The following MSI2 variants were observed in gnomAD, a reference collection of about 807,000 sequenced individuals.
MSI2 encodes RNA-binding protein Musashi homolog 2.
MSI2 carries 17 observed loss-of-function variants against 45.6 expected under a neutral mutation model. The observed-to-expected ratio is 0.37, with a 90% CI of 0.26 to 0.56. The LOEUF (loss-of-function observed/expected upper bound fraction) is 0.56, where lower values mean the gene tolerates loss of function less well. Among genes scored for constraint, MSI2 ranks in the 20% least tolerant of loss-of-function variants. MSI2 has a pLI of 0.77. For synonymous variants in MSI2, 156 were observed against 158.2 expected (o/e 0.99, Z 0.11); for missense variants, 293 against 444.2 (o/e 0.66, Z 3.06).
intron 6 of MSI2, among the ~76,000 whole-genome samples, chr17:57,424,384 G>A (rs754276795): frequency 1.2e-4 from 18 of 152,186 alleles, no homozygotes; most frequent in Non-Finnish European, 2.4e-4. Flanking sequence ...TTCCTAAATG[G>A]GAGATGAGCG....
At chr17:57,362,510 G>A (rs1054708573) in intron 5 of MSI2, among the ~76,000 whole-genome samples, 1 of 152,010 alleles carries the variant, frequency 6.6e-6, no homozygotes, top group African/African-American at 2.4e-5. Context: ...TTTATGGCTT[G>A]CTAAGTGGCT....
intron 7 of MSI2, among the ~76,000 whole-genome samples, chr17:57,560,643 G>A (rs1385261478): frequency 6.6e-6 from 1 of 152,180 alleles, no homozygotes; most frequent in African/African-American, 2.4e-5. Context: ...TGCAAGATGG[G>A]GTAACAGTAA....
chr17:57,491,018 G>A (rs961236958), intron 6 of MSI2, among the ~76,000 whole-genome samples: 8 of 152,208 alleles, frequency 5.3e-5, no homozygotes, highest in African/African-American at 1.7e-4. Flanking sequence ...AGGGTTCCGG[G>A]GTGGGGAGGA....
intron 6 of MSI2, among the ~76,000 whole-genome samples, chr17:57,470,359 C>G (rs2085411148): frequency 6.6e-6 from 1 of 152,162 alleles, no homozygotes; most frequent in African/African-American, 2.4e-5. Flanking sequence ...CTTACTGCAG[C>G]CTCCACCTCC....
intron 8 of MSI2, among the ~76,000 whole-genome samples, chr17:57,610,265 A>G (rs1907108473): frequency 6.6e-6 from 1 of 152,162 alleles, no homozygotes. Context: ...AGCCTGGCCA[A>G]TGTGGTGAAA....
At chr17:57,362,002 T>C (rs1266471627) in intron 5 of MSI2, among the ~76,000 whole-genome samples, 3 of 152,138 alleles carry the variant, frequency 2.0e-5, no homozygotes, top group African/African-American at 4.8e-5. Context: ...AAAACTGAGG[T>C]CTCCTGGAAA....
chr17:57,490,085 C>T (rs1239314968), intron 6 of MSI2, among the ~76,000 whole-genome samples: 2 of 152,056 alleles, frequency 1.3e-5, no homozygotes, highest in African/African-American at 2.4e-5. Flanking sequence ...GTGGCTCTCT[C>T]CCAGGGCAAG....
chr17:57,389,409 G>A (rs963132599), intron 5 of MSI2, among the ~76,000 whole-genome samples: 1 of 152,126 alleles, frequency 6.6e-6, no homozygotes, highest in African/African-American at 2.4e-5. Context: ...AGTCTTTTGG[G>A]ACCACTAACA....
chr17:57,311,394 A>G (rs991275168), intron 5 of MSI2, among the ~76,000 whole-genome samples: 13 of 152,166 alleles, frequency 8.5e-5, no homozygotes, highest in African/African-American at 2.9e-4. Context: ...AAAGAGAGAA[A>G]CCACAGCAGT....
At chr17:57,263,634 T>TA (rs1383459459) in intron 5 of MSI2, 1 of 152,232 alleles carries the variant, frequency 6.6e-6, no homozygotes, top group Admixed American at 6.5e-5. Context: ...AAAAATCCCT[T>TA]ACTTGGTAAA....
At position 57,683,274 on chromosome 17, in the gene MSI2, G is replaced by A. The variant is rs1257495857; in HGVS notation, c.*3757G>A. 1.3e-5 allele frequency: 3 copies of A among 230,852 alleles called. No homozygotes were observed. Among genetic ancestry groups the A allele is most frequent in the South Asian group, 1.8e-4 (1 of 5,492 alleles). The allele number at this position is 230,852 out of a possible 1,614,324, so 14.3% of individuals were successfully genotyped here. On this transcript the variant is annotated 3_prime_UTR_variant, in exon 14 of 14. Coordinates refer to ENST00000284073, the MANE Select transcript of MSI2 (RefSeq NM_138962.4). The surrounding 1 kb of genome is among the most constrained non-coding windows in gnomAD (Gnocchi z 5.2). ...AATTGTTGGTTCTAATGACCTGAAA[G>A]GTGTTCAGTTTTTGTTCTTGGTTTT...
At chr17:57,397,456 T>C (rs2083911762) in intron 5 of MSI2, among the ~76,000 whole-genome samples, 1 of 152,206 alleles carries the variant, frequency 6.6e-6, no homozygotes, top group South Asian at 2.1e-4. Flanking sequence ...CACGTGTCCA[T>C]AGAAACCTTG....
chr17:57,661,127 C>T (rs547788277), intron 11 of MSI2, among the ~76,000 whole-genome samples: 128 of 152,274 alleles, frequency 8.4e-4, no homozygotes, highest in Non-Finnish European at 1.2e-3. Flanking sequence ...ATCCATAAGA[C>T]GATTAACTCT....
intron 7 of MSI2, among the ~76,000 whole-genome samples, chr17:57,581,988 A>C (rs1322383587): frequency 6.6e-6 from 1 of 152,184 alleles, no homozygotes; most frequent in Admixed American, 6.5e-5. Context: ...TCTCAGTTTG[A>C]AGAGTGAACC....
In MSI2 at chr17:57,539,145, G is replaced by A. The variant is rs377359146; in HGVS notation, c.454+9421G>A. ...ATTAAGCAACCTGAGATACAGAGACGGAGGGAATCTTTTTATTATATACTC... is the reference window on the plus strand; with the variant it reads ...ATTAAGCAACCTGAGATACAGAGACAGAGGGAATCTTTTTATTATATACTC... On this transcript the variant is annotated intron_variant, in intron 7 of 13. Transcript: ENST00000284073. Among the ~76,000 whole-genome samples, 46 of 151,788 alleles carry A rather than the reference G, an allele frequency of 3.0e-4. 2 individuals carry two copies. Among genetic ancestry groups the A allele is most frequent in the East Asian group, 2.3e-3 (12 of 5,170 alleles).
At chr17:57,449,816 A>C (rs1387946268) in intron 6 of MSI2, 1 of 152,174 alleles carries the variant, frequency 6.6e-6, no homozygotes, top group Non-Finnish European at 1.5e-5. Context: ...TCATGAGGTC[A>C]GGAGATCAAG....
intron 6 of MSI2, among the ~76,000 whole-genome samples, chr17:57,450,492 C>T (rs531105692): frequency 6.6e-6 from 1 of 151,950 alleles, no homozygotes; most frequent in East Asian, 1.9e-4. Flanking sequence ...GCCTGGCTAA[C>T]ATGGTGAAAC....
intron 5 of MSI2, among the ~76,000 whole-genome samples, chr17:57,351,804 G>A (rs1170890246): frequency 6.6e-6 from 1 of 152,198 alleles, no homozygotes; most frequent in African/African-American, 2.4e-5. Flanking sequence ...GCAATGAGCC[G>A]AGATCGTGCC....
rs766258686 is a variant in MSI2, at chr17:57,529,188, C to T, written c.406-488C>T. Among the ~76,000 whole-genome samples the T allele has an allele frequency of 5.9e-5, 9 of 152,234 alleles. No homozygotes were observed. The highest frequency in any genetic ancestry group is 3.9e-4 in the East Asian group (2 of 5,184). On this transcript the variant is annotated intron_variant, in intron 6 of 13. Coordinates refer to ENST00000284073, the MANE Select transcript of MSI2 (RefSeq NM_138962.4). The surrounding 1 kb of genome is among the most constrained non-coding windows in gnomAD (Gnocchi z 5.3). ...CAGTGGCTCACACCTATAATCTCAG[C>T]GCTTTGAAAGGCTGCTGCAGGAGGA...
Sources: allele counts gnomAD v4.1 joint callset (sites outside exome capture counted in the v4.1 genomes callset), GRCh38; gene constraint gnomAD v4.1.1; non-coding constraint Gnocchi (gnomAD v3.1); transcripts MANE v1.5; gene names NCBI Gene and HGNC (gene_info 2026-07-23, HGNC 2026-07-21).